The following SLC4A10 variants were observed in gnomAD, a reference collection of about 807,000 sequenced individuals.
SLC4A10 encodes the protein solute carrier family 4 member 10, also known as sodium-driven chloride bicarbonate exchanger.
Under a neutral mutation model 137.7 loss-of-function variants are expected in SLC4A10, and 42 were observed. That is an observed-to-expected ratio of 0.30 (90% confidence interval 0.24 to 0.39). The LOEUF is 0.39. Among genes scored for constraint, SLC4A10 ranks in the 10% least tolerant of loss-of-function variants. The probability of loss-of-function intolerance (pLI) is 1.00; values close to 1 mark genes in which losing one functional copy is unlikely to be tolerated. For missense variants in SLC4A10, 925 were observed against 1,355.0 expected (o/e 0.68, Z 4.98); for synonymous variants, 474 against 464.1 (o/e 1.02, Z -0.27).
At chr2:161,900,788 C>T in intron 11 of SLC4A10, 123 bp from the exon 12 acceptor site, 2 of 649,540 alleles carry the variant, frequency 3.1e-6, no homozygotes, top group Non-Finnish European at 5.2e-6. Context: ...CAAGTAAGTA[C>T]AGAGCCTGGG....
intron 15 of SLC4A10, among the ~76,000 whole-genome samples, chr2:161,923,828 A>T (rs1318481996): frequency 6.6e-6 from 1 of 151,936 alleles, no homozygotes; most frequent in Non-Finnish European, 1.5e-5. Flanking sequence ...GTATAATAAT[A>T]AAAAAAAGAA....
At chr2:161,781,505 A>G (rs1347932516) in intron 2 of SLC4A10, among the ~76,000 whole-genome samples, 5 of 152,068 alleles carry the variant, frequency 3.3e-5, no homozygotes, top group South Asian at 4.1e-4. Context: ...AATTATTTAA[A>G]TATGAGGAAA....
At chr2:161,739,122 G>A (rs2047631701) in intron 1 of SLC4A10, among the ~76,000 whole-genome samples, 1 of 151,984 alleles carries the variant, frequency 6.6e-6, no homozygotes, top group Admixed American at 6.5e-5. Context: ...TGGGTGGGGG[G>A]AACATGATAT....
intron 15 of SLC4A10, among the ~76,000 whole-genome samples, chr2:161,913,850 T>G (rs1686458998): frequency 3.3e-5 from 5 of 152,202 alleles, no homozygotes; most frequent in Admixed American, 3.3e-4. Flanking sequence ...ACTTTGTATA[T>G]GATTTGATAA....
chr2:161,769,371 T>C lies in SLC4A10; in HGVS notation c.49-1602T>C, dbSNP rs374414854. Among the ~76,000 whole-genome samples the C allele has an allele frequency of 1.8e-4, 28 of 152,136 alleles. 3 individuals are homozygous for C. The South Asian group carries it at 5.8e-3, about 31-fold the overall frequency. The stretch of plus-strand genomic sequence containing the variant: ...GGAATGTAGCTCAACTCCTTGTGGG[T>C]CACATTTTGTACCTCACCTTTCAAG... On this transcript the variant is annotated intron_variant, in intron 1 of 26. Coordinates refer to ENST00000446997, the MANE Select transcript of SLC4A10 (RefSeq NM_001178015.2).
chr2:161,740,071 G>A (rs901969822), intron 1 of SLC4A10, among the ~76,000 whole-genome samples: 4 of 152,158 alleles, frequency 2.6e-5, no homozygotes, highest in Admixed American at 2.6e-4. Flanking sequence ...TTTTACCAGG[G>A]TTTTGATGTT....
intron 23 of SLC4A10, among the ~76,000 whole-genome samples, chr2:161,966,749 AC>A (rs376279830): frequency 7.6e-4 from 112 of 147,810 alleles, no homozygotes; most frequent in South Asian, 4.5e-3. Context: ...AAAAAAAAAA[AC>A]AAAAAACTTT....
chr2:161,868,565 GA>G (rs1247921298), intron 6 of SLC4A10, among the ~76,000 whole-genome samples: 1 of 151,382 alleles, frequency 6.6e-6, no homozygotes, highest in African/African-American at 2.4e-5. Flanking sequence ...AAAAAAAAAT[GA>G]ATTTGTAACT....
At chr2:161,634,800 C>T (rs2034151743) in intron 1 of SLC4A10, among the ~76,000 whole-genome samples, 1 of 151,886 alleles carries the variant, frequency 6.6e-6, no homozygotes, top group Non-Finnish European at 1.5e-5. Flanking sequence ...AACACCAGAA[C>T]TTATTCCTCC....
At chr2:161,732,359 A>T (rs1319291600) in intron 1 of SLC4A10, among the ~76,000 whole-genome samples, 2 of 152,212 alleles carry the variant, frequency 1.3e-5, no homozygotes, top group East Asian at 1.9e-4. Context: ...ATACAAAAAG[A>T]TTCCCCATTT....
intron 1 of SLC4A10, among the ~76,000 whole-genome samples, chr2:161,707,798 A>C (rs1447681334): frequency 1.3e-5 from 2 of 151,564 alleles, no homozygotes; most frequent in Non-Finnish European, 3.0e-5. Flanking sequence ...AAAAAGATAA[A>C]ATGTATGTTG....
rs568615005 is a variant in SLC4A10 at position 161,747,881 on chromosome 2, C to T, written c.49-23092C>T. Among the ~76,000 whole-genome samples, 13 of 152,164 alleles carry T rather than the reference C, an allele frequency of 8.5e-5. No homozygotes were observed. In the South Asian group the frequency reaches 2.7e-3, roughly 32 times the overall value. On this transcript the variant is annotated intron_variant, in intron 1 of 26. Coordinates refer to ENST00000446997, the MANE Select transcript of SLC4A10 (RefSeq NM_001178015.2). ...TTGAGAAAAGCTCCATACTGTTTTC[C>T]ATAATGGCTGTATCAATTTACATTT...
At chr2:161,734,651 CAATT>C (rs1451919246) in intron 1 of SLC4A10, among the ~76,000 whole-genome samples, 2 of 152,048 alleles carry the variant, frequency 1.3e-5, no homozygotes, top group Non-Finnish European at 2.9e-5. Flanking sequence ...AAACGAGACA[CAATT>C]AGTTTTAAAA....
intron 1 of SLC4A10, among the ~76,000 whole-genome samples, chr2:161,767,000 T>C (rs541059128): frequency 6.7e-6 from 1 of 149,490 alleles, no homozygotes; most frequent in Admixed American, 6.7e-5. Flanking sequence ...ACCTCCTTTG[T>C]TGAAATGTAT....
intron 15 of SLC4A10, among the ~76,000 whole-genome samples, chr2:161,938,738 A>G (rs1013224472): frequency 1.3e-5 from 2 of 151,352 alleles, no homozygotes; most frequent in African/African-American, 4.8e-5. Flanking sequence ...CAAAGCAAAT[A>G]TAAAAGAGAT....
At chr2:161,716,565 C>A (rs1306151290) in intron 1 of SLC4A10, among the ~76,000 whole-genome samples, 1 of 151,822 alleles carries the variant, frequency 6.6e-6, no homozygotes, top group Non-Finnish European at 1.5e-5. Context: ...AATAGGGAAT[C>A]CTTTCTCCAT....
chr2:161,862,657 A>C (rs2060497816), intron 5 of SLC4A10, among the ~76,000 whole-genome samples: 1 of 152,220 alleles, frequency 6.6e-6, no homozygotes, highest in Admixed American at 6.5e-5. Context: ...AATGGTTTAT[A>C]ATGAAAATTT....
At chr2:161,887,573 T>A (rs771838327) in intron 10 of SLC4A10, among the ~76,000 whole-genome samples, 2 of 152,218 alleles carry the variant, frequency 1.3e-5, no homozygotes, top group Non-Finnish European at 2.9e-5. Flanking sequence ...ATGATGAGCT[T>A]TTTTTCATGT....
intron 26 of SLC4A10, among the ~76,000 whole-genome samples, chr2:161,978,393 A>AAAAG (rs1217289754): frequency 2.0e-5 from 3 of 150,660 alleles, no homozygotes; most frequent in Non-Finnish European, 4.4e-5. Flanking sequence ...TCAAAAAAAA[A>AAAAG]AAAAAAAAGA....
Sources: allele counts gnomAD v4.1 joint callset (sites outside exome capture counted in the v4.1 genomes callset), GRCh38; gene constraint gnomAD v4.1.1; transcripts MANE v1.5; gene names NCBI Gene and HGNC (gene_info 2026-07-23, HGNC 2026-07-21).